Variants in RBFOX1 observed in about 807,000 individuals in gnomAD.
The protein encoded by RBFOX1 is RNA binding fox-1 homolog 1, also known as RNA binding protein fox-1 homolog 1.
RBFOX1 carries 8 observed loss-of-function variants against 57.7 expected under a neutral mutation model. The observed-to-expected ratio is 0.14, with a 90% CI of 0.08 to 0.25. The LOEUF (loss-of-function observed/expected upper bound fraction) is 0.25. RBFOX1 is among the 10% of genes least tolerant of loss of function. RBFOX1 has a pLI of 1.00. For synonymous variants in RBFOX1, 326 were observed against 222.4 expected (o/e 1.47, Z -4.15); for missense variants, 611 against 548.5 (o/e 1.11, Z -1.14).
intron 3 of RBFOX1, among the ~76,000 whole-genome samples, chr16:7,027,524 GC>G (rs1468710407): frequency 1.6e-5 from 1 of 62,038 alleles, no homozygotes; most frequent in Non-Finnish European, 3.3e-5. Flanking sequence ...TGGCTTCAGG[GC>G]TTTTTTTTCT....
At chr16:7,307,729 T>A (rs901604208) in intron 4 of RBFOX1, among the ~76,000 whole-genome samples, 1 of 152,192 alleles carries the variant, frequency 6.6e-6, no homozygotes, top group Non-Finnish European at 1.5e-5. Flanking sequence ...CACACAAATT[T>A]GTATACATAC....
At chr16:5,328,588 G>C (rs905171925) in intron 1 of RBFOX1, among the ~76,000 whole-genome samples, 2 of 152,202 alleles carry the variant, frequency 1.3e-5, no homozygotes, top group African/African-American at 4.8e-5. Flanking sequence ...TTGAGTCAAT[G>C]AAACATACCT....
chr16:6,778,033 G>A (rs2079678932), intron 3 of RBFOX1, among the ~76,000 whole-genome samples: 1 of 152,084 alleles, frequency 6.6e-6, no homozygotes, highest in African/African-American at 2.4e-5. Flanking sequence ...GAACTCATAA[G>A]GTGTGGGATA....
At chr16:5,261,997 A>T (rs2062746934) in intron 1 of RBFOX1, among the ~76,000 whole-genome samples, 1 of 152,188 alleles carries the variant, frequency 6.6e-6, no homozygotes, top group African/African-American at 2.4e-5. Context: ...TACTCTTTTG[A>T]TAATTTGTCT....
At chr16:5,635,693 A>C (rs1017026700) in intron 3 of RBFOX1, among the ~76,000 whole-genome samples, 1 of 152,218 alleles carries the variant, frequency 6.6e-6, no homozygotes, top group Admixed American at 6.5e-5. Flanking sequence ...TAACTTGGCT[A>C]AATTACATAT....
chr16:5,695,594 T>C (rs1368142007), intron 3 of RBFOX1, among the ~76,000 whole-genome samples: 1 of 152,192 alleles, frequency 6.6e-6, no homozygotes, highest in African/African-American at 2.4e-5. Flanking sequence ...AAATCAGATG[T>C]TATGCACCTC....
chr16:7,121,793 A>G (rs180979049), intron 4 of RBFOX1, among the ~76,000 whole-genome samples: 1 of 152,160 alleles, frequency 6.6e-6, no homozygotes, highest in East Asian at 1.9e-4. Flanking sequence ...ATATAAGCCT[A>G]TAGAAGTAAA....
chr16:6,429,875 G>A (rs773188420), intron 2 of RBFOX1, among the ~76,000 whole-genome samples: 5 of 152,100 alleles, frequency 3.3e-5, no homozygotes, highest in Non-Finnish European at 5.9e-5. Context: ...TTGGGAGGCC[G>A]AGGTGGGTGA....
intron 3 of RBFOX1, among the ~76,000 whole-genome samples, chr16:6,819,610 C>A (rs560244164): frequency 1.4e-5 from 2 of 142,656 alleles, no homozygotes; most frequent in African/African-American, 2.6e-5. Context: ...GAGGCTGAGG[C>A]AGGAGAATTG....
chr16:7,510,753 A>G (rs2152043495), intron 4 of RBFOX1, among the ~76,000 whole-genome samples: 1 of 152,316 alleles, frequency 6.6e-6, no homozygotes, highest in African/African-American at 2.4e-5. Flanking sequence ...AACTGTCAGC[A>G]AGACTGAAAA....
rs151214012 is a variant in RBFOX1 at position 7,518,261 on chromosome 16, C to A, written c.142C>A (p.Pro48Thr). 6.2e-7 allele frequency: 1 copy of A among 1,614,158 alleles called. No individual in the cohort carries two copies. Among genetic ancestry groups the A allele is most frequent in the South Asian group, 1.1e-5 (1 of 91,076 alleles). The change falls in exon 5 of 16, where the codon CCC (proline) becomes ACC (threonine). Residue 48 changes from proline to threonine, a missense_variant. Transcript: ENST00000550418. ...PAEYTAPHPHPAPEYTGQTTV... is the reference protein window; with the variant it reads ...PAEYTAPHPHTAPEYTGQTTV... ...GGAATACACGGCCCCTCATCCCCAC[C>A]CCGCGCCAGAGTACACAGGCCAGAC...
intron 4 of RBFOX1, among the ~76,000 whole-genome samples, chr16:7,072,316 G>C (rs901774579): frequency 1.3e-5 from 2 of 152,140 alleles, no homozygotes; most frequent in Admixed American, 6.6e-5. Flanking sequence ...TTTCATTACA[G>C]TGCTTATCAC....
intron 1 of RBFOX1, among the ~76,000 whole-genome samples, chr16:5,292,543 G>T (rs2063560290): frequency 6.6e-6 from 1 of 152,188 alleles, no homozygotes; most frequent in South Asian, 2.1e-4. Flanking sequence ...AATGCAAATA[G>T]GCACTCATGC....
At chr16:6,772,894 T>A (rs934217616) in intron 3 of RBFOX1, among the ~76,000 whole-genome samples, 2 of 148,414 alleles carry the variant, frequency 1.3e-5, no homozygotes, top group African/African-American at 5.0e-5. Flanking sequence ...GGGGTGCATT[T>A]GTGTGTGTGT....
chr16:5,642,326 A>C (rs1265272184), intron 3 of RBFOX1, among the ~76,000 whole-genome samples: 1 of 152,222 alleles, frequency 6.6e-6, no homozygotes, highest in East Asian at 1.9e-4. Context: ...ATTACCCGAA[A>C]TACATGAAAG....
chr16:7,391,979 G>C (rs1419184843), intron 4 of RBFOX1, among the ~76,000 whole-genome samples: 1 of 152,134 alleles, frequency 6.6e-6, no homozygotes. Context: ...GCTGCCCTTA[G>C]AATACAAGCT....
At chr16:6,621,951 G>C (rs948553660) in intron 2 of RBFOX1, among the ~76,000 whole-genome samples, 1 of 152,144 alleles carries the variant, frequency 6.6e-6, no homozygotes, top group Non-Finnish European at 1.5e-5. Context: ...GGAAGAAGTC[G>C]TTACACAAAG....
chr16:6,927,536 G>T (rs2075821832), intron 3 of RBFOX1, among the ~76,000 whole-genome samples: 5 of 148,248 alleles, frequency 3.4e-5, no homozygotes, highest in Admixed American at 6.8e-5. Context: ...ATATTTCTTT[G>T]TTTTGTTTTG....
intron 1 of RBFOX1, among the ~76,000 whole-genome samples, chr16:6,214,654 A>ATGGG (rs1456881045): frequency 9.2e-6 from 1 of 108,426 alleles, no homozygotes; most frequent in Non-Finnish European, 1.8e-5. Flanking sequence ...GGACAGGGAG[A>ATGGG]GAGGGAGAAG....
Sources: gnomAD v4.1 joint callset for allele counts (sites outside exome capture counted in the v4.1 genomes callset) on GRCh38, gnomAD v4.1.1 for gene constraint, MANE v1.5 for transcripts, NCBI Gene and HGNC (gene_info 2026-07-23, HGNC 2026-07-21) for gene names.